Variants in CFAP77 observed in about 807,000 individuals in gnomAD.
CFAP77 encodes the protein cilia- and flagella-associated protein 77.
CFAP77 carries 25 observed loss-of-function variants against 31.1 expected under a neutral mutation model. The observed-to-expected ratio is 0.80, with a 90% CI of 0.59 to 1.12. CFAP77 has a LOEUF of 1.12. Among genes scored for constraint, CFAP77 ranks in the 50% most tolerant of loss-of-function variants. The pLI is 0.00. For synonymous variants in CFAP77, 151 were observed against 159.9 expected, an observed-to-expected ratio of 0.94 and a Z score of 0.42; for missense variants, 377 against 397.3, an observed-to-expected ratio of 0.95 and a Z score of 0.44.
intron 5 of CFAP77, 138 bp from the exon 6 acceptor site, chr9:132,572,247 GCAC>G: frequency 9.2e-7 from 1 of 1,090,850 alleles, no homozygotes; most frequent in Non-Finnish European, 1.3e-6. Context: ...GAGGCTCACA[GCAC>G]TTGCTGTGAC....
intron 1 of CFAP77, among the ~76,000 whole-genome samples, chr9:132,468,815 G>A (rs7874048): frequency 0.19 from 28,203 of 150,476 alleles, 4,036 homozygotes; most frequent in African/African-American, 0.4. Context: ...ACACACGCAC[G>A]CACACACGGC....
At chr9:132,536,330 G>A (rs1303579476) in intron 3 of CFAP77, among the ~76,000 whole-genome samples, 1 of 151,786 alleles carries the variant, frequency 6.6e-6, no homozygotes, top group Non-Finnish European at 1.5e-5. Flanking sequence ...TTCCTGGGCT[G>A]GTTACTGTAC....
chr9:132,463,099 G>T (rs1006193789), intron 1 of CFAP77, among the ~76,000 whole-genome samples: 8 of 152,184 alleles, frequency 5.3e-5, no homozygotes, highest in Non-Finnish European at 1.2e-4. Context: ...AAGCCAAATA[G>T]AGGAGGAAAG....
chr9:132,568,986 C>T (rs990069520), intron 5 of CFAP77, among the ~76,000 whole-genome samples: 1 of 152,170 alleles, frequency 6.6e-6, no homozygotes, highest in Non-Finnish European at 1.5e-5. Flanking sequence ...AGGTGTGAGT[C>T]ACCTTGTCTG....
chr9:132,450,132 G>A (rs1316026284), intron 1 of CFAP77, among the ~76,000 whole-genome samples: 6 of 151,560 alleles, frequency 4.0e-5, no homozygotes, highest in Non-Finnish European at 5.9e-5. Flanking sequence ...GGGTTTCATC[G>A]TGGTAGCCAG....
chr9:132,564,808 A>G lies in CFAP77; in HGVS notation c.733-7580A>G, dbSNP rs1829864414. 6.6e-6 allele frequency among the ~76,000 whole-genome samples: 1 copy of G among 152,178 alleles called. No homozygotes were observed. Among genetic ancestry groups the G allele is most frequent in the Admixed American group, 6.5e-5 (1 of 15,268 alleles). Reference sequence around the variant, plus strand: ...GATTGGAAAAGCACAGATGCTTTCAAATGAGTTAGAAAATGGGGCCCACCG... The same window carrying G: ...GATTGGAAAAGCACAGATGCTTTCAGATGAGTTAGAAAATGGGGCCCACCG... On this transcript the variant is annotated intron_variant, in intron 5 of 5. Coordinates refer to ENST00000393216, the MANE Select transcript of CFAP77 (RefSeq NM_001282957.2). The surrounding 1 kb of genome is among the most constrained non-coding windows in gnomAD (Gnocchi z 4.6).
At chr9:132,531,150 C>G (rs1044059782) in intron 3 of CFAP77, among the ~76,000 whole-genome samples, 39 of 152,310 alleles carry the variant, frequency 2.6e-4, no homozygotes, top group Admixed American at 9.8e-4. Context: ...AAAAGTTTAT[C>G]TCCTAAAATT....
At chr9:132,457,874 C>T (rs1850949474) in intron 1 of CFAP77, among the ~76,000 whole-genome samples, 1 of 152,240 alleles carries the variant, frequency 6.6e-6, no homozygotes, top group African/African-American at 2.4e-5. Flanking sequence ...ATAAAATCAG[C>T]TCCTAAAACA....
intron 1 of CFAP77, among the ~76,000 whole-genome samples, chr9:132,454,551 T>C (rs1379409889): frequency 6.6e-6 from 1 of 152,236 alleles, no homozygotes; most frequent in African/African-American, 2.4e-5. Context: ...GTTCATTGGT[T>C]GGTGTGTTCT....
rs780681823 is a variant in CFAP77, at chr9:132,537,644, C to T, written c.568C>T (p.Gln190Ter). The change falls in exon 4 of 6, where the codon CAG becomes TAG. Residue 190 changes from glutamine (Q) to a stop codon, truncating the protein, a stop_gained. Transcript: ENST00000393216. LOFTEE classifies it high-confidence loss of function. ...TGATCTGCTGCAGCACCGGTACCTGCAGCTGTGGGTACAGGAACAAAAGGC... is the reference window on the plus strand; with the variant it reads ...TGATCTGCTGCAGCACCGGTACCTGTAGCTGTGGGTACAGGAACAAAAGGC... Reference protein sequence around the residue: ...FFDLLQHRYLQLWVQEQKATQ... With the variant: ...FFDLLQHRYL 6.8e-6 allele frequency: 11 copies of T among 1,613,392 alleles called. No individual in the cohort carries two copies. Among genetic ancestry groups the T allele is most frequent in the Non-Finnish European group, 6.8e-6 (8 of 1,179,714 alleles).
At chr9:132,476,051 C>T (rs1044794119) in intron 1 of CFAP77, among the ~76,000 whole-genome samples, 18 of 152,236 alleles carry the variant, frequency 1.2e-4, no homozygotes. Flanking sequence ...CATAGCTCTG[C>T]ATTCAGCATT....
At chr9:132,471,462 C>T (rs1337908348) in intron 1 of CFAP77, among the ~76,000 whole-genome samples, 1 of 151,830 alleles carries the variant, frequency 6.6e-6, no homozygotes, top group Non-Finnish European at 1.5e-5. Context: ...CACCGTTGCC[C>T]ACACACACAC....
At chr9:132,456,431 C>T (rs987902162) in intron 1 of CFAP77, among the ~76,000 whole-genome samples, 21 of 152,212 alleles carry the variant, frequency 1.4e-4, no homozygotes, top group South Asian at 4.1e-4. Context: ...CTTGGTATGG[C>T]GCCAGGCATG....
chr9:132,513,276 T>C (rs1456478011), intron 3 of CFAP77: 2 of 1,548,702 alleles, frequency 1.3e-6, no homozygotes, highest in Admixed American at 2.0e-5. Flanking sequence ...TCCAAACAAA[T>C]AGAAAAGTTC....
intron 4 of CFAP77, among the ~76,000 whole-genome samples, chr9:132,540,093 G>A (rs1452009129): frequency 6.6e-6 from 1 of 152,094 alleles, no homozygotes; most frequent in African/African-American, 2.4e-5. Context: ...ACCAGGCCCA[G>A]CTAATTTTGT....
At chr9:132,469,942 C>T (rs564070444) in intron 1 of CFAP77, among the ~76,000 whole-genome samples, 2 of 150,918 alleles carry the variant, frequency 1.3e-5, no homozygotes, top group East Asian at 2.0e-4. Flanking sequence ...TGGGTTCAAG[C>T]GATTCTCCTG....
chr9:132,515,048 T>A (rs1277249145), intron 3 of CFAP77, among the ~76,000 whole-genome samples: 1 of 151,904 alleles, frequency 6.6e-6, no homozygotes, highest in Non-Finnish European at 1.5e-5. Flanking sequence ...AGGCTCAGAG[T>A]TGGGACTCTC....
At chr9:132,416,987 A>G (rs2131676211) in intron 1 of CFAP77, among the ~76,000 whole-genome samples, 1 of 152,146 alleles carries the variant, frequency 6.6e-6, no homozygotes, top group East Asian at 1.9e-4. Flanking sequence ...GTCATTGGTA[A>G]TGATTCAACT....
At chr9:132,450,411 G>T (rs1850805942) in intron 1 of CFAP77, among the ~76,000 whole-genome samples, 1 of 152,138 alleles carries the variant, frequency 6.6e-6, no homozygotes, top group South Asian at 2.1e-4. Context: ...GCAATAGATG[G>T]CCTCAGGATG....
Sources: allele counts gnomAD v4.1 joint callset (sites outside exome capture counted in the v4.1 genomes callset), GRCh38; gene constraint gnomAD v4.1.1; non-coding constraint Gnocchi (gnomAD v3.1); transcripts MANE v1.5; gene names NCBI Gene and HGNC (gene_info 2026-07-23, HGNC 2026-07-21).